CIB4: variants seen among roughly 807,000 people sequenced by gnomAD.
The protein encoded by CIB4 is calcium and integrin binding family member 4.
In CIB4, 25 loss-of-function variants were observed where a neutral mutation model predicts 25.8. The ratio of observed to expected loss-of-function variants is 0.97; its 90% CI spans 0.71 to 1.35. The LOEUF (loss-of-function observed/expected upper bound fraction) is 1.35, where lower values mean the gene tolerates loss of function less well. Among genes scored for constraint, CIB4 ranks in the 40% most tolerant of loss-of-function variants. The pLI, the probability that CIB4 is intolerant of heterozygous loss-of-function variation, is 0.00. For missense variants in CIB4, 235 were observed against 228.2 expected (o/e 1.03, Z -0.19); for synonymous variants, 75 against 81.4 (o/e 0.92, Z 0.42).
intron 3 of CIB4, among the ~76,000 whole-genome samples, chr2:26,617,954 G>A (rs143480880): frequency 3.7e-4 from 57 of 152,290 alleles, no homozygotes; most frequent in African/African-American, 1.3e-3. Flanking sequence ...AGCCTGGGTT[G>A]GAACCTTGGC....
chr2:26,615,524 G>A (rs543387836), intron 3 of CIB4, among the ~76,000 whole-genome samples: 5 of 152,354 alleles, frequency 3.3e-5, no homozygotes, highest in African/African-American at 1.2e-4. Flanking sequence ...GGAAGAGGAA[G>A]GAACTGGCCC....
intron 3 of CIB4, among the ~76,000 whole-genome samples, chr2:26,599,096 CACTTTTTTAGAAGTCTTCA>C (rs1668735882): frequency 6.6e-6 from 1 of 152,208 alleles, no homozygotes; most frequent in Non-Finnish European, 1.5e-5. Flanking sequence ...TGAAATTTCA[CACTTTTTTAGAAGTCTTCA>C]ATCCTCCAGA....
At chr2:26,621,267 A>AAC (rs1669200247) in intron 3 of CIB4, among the ~76,000 whole-genome samples, 2 of 149,198 alleles carry the variant, frequency 1.3e-5, no homozygotes, top group Admixed American at 6.9e-5. Flanking sequence ...AAAAAAAAAA[A>AAC]AAAACAGGGA....
intron 2 of CIB4, among the ~76,000 whole-genome samples, chr2:26,637,247 A>T (rs1669551484): frequency 1.3e-5 from 2 of 152,066 alleles, no homozygotes; most frequent in South Asian, 4.1e-4. Flanking sequence ...TGGCATTTGG[A>T]GGTTCCTGAG....
At chr2:26,601,692 A>T (rs1668795185) in intron 3 of CIB4, among the ~76,000 whole-genome samples, 1 of 152,186 alleles carries the variant, frequency 6.6e-6, no homozygotes, top group Non-Finnish European at 1.5e-5. Context: ...TTCAAATTAC[A>T]TTGCTCAAAA....
At chr2:26,636,102 A>G (rs1669527194) in intron 2 of CIB4, among the ~76,000 whole-genome samples, 2 of 152,316 alleles carry the variant, frequency 1.3e-5, no homozygotes, top group East Asian at 1.9e-4. Flanking sequence ...TGTTTTCACT[A>G]TAGATACTAT....
At chr2:26,608,448 C>T (rs1668934873) in intron 3 of CIB4, among the ~76,000 whole-genome samples, 1 of 152,166 alleles carries the variant, frequency 6.6e-6, no homozygotes, top group Non-Finnish European at 1.5e-5. Context: ...CTTTCCGAGT[C>T]AGCACCTCTA....
intron 3 of CIB4, among the ~76,000 whole-genome samples, chr2:26,601,217 CAAAAAA>C (rs142951418): frequency 8.4e-5 from 2 of 23,718 alleles, no homozygotes; most frequent in Admixed American, 6.1e-4. Context: ...GAGACCATGT[CAAAAAA>C]AAAAAAAAAT....
At chr2:26,602,463 AT>A (rs1668810967) in intron 3 of CIB4, among the ~76,000 whole-genome samples, 1 of 152,246 alleles carries the variant, frequency 6.6e-6, no homozygotes, top group African/African-American at 2.4e-5. Context: ...ATAACAAGTT[AT>A]AAGTAAGATA....
rs1295450212 is a variant in CIB4, at chr2:26,640,516, G to T, written c.89+17C>A. 6.2e-7 allele frequency: 1 copy of T among 1,612,788 alleles called. No homozygotes were observed. Among genetic ancestry groups the T allele is most frequent in the South Asian group, 1.1e-5 (1 of 90,902 alleles). On this transcript the variant is annotated intron_variant, in intron 2 of 6. Transcript: ENST00000288861. Reference sequence around the variant, plus strand: ...GAGGAGCTGGGAGAAGGAAAGAGGGGCGGGGCTTCTACTCACCACAGAATT... The same window carrying T: ...GAGGAGCTGGGAGAAGGAAAGAGGGTCGGGGCTTCTACTCACCACAGAATT...
In CIB4 at chr2:26,627,978, T is replaced by C. The variant is rs1451698514; in HGVS notation, c.186+1432A>G. Among the ~76,000 whole-genome samples the C allele has an allele frequency of 1.3e-5, 2 of 152,144 alleles. No homozygotes were observed. Among genetic ancestry groups the C allele is most frequent in the African/African-American group, 2.4e-5 (1 of 41,428 alleles). ...TCCTCCTCCCTGGTATCCCCAGGCC[T>C]CTTCCAAGTGGTGGCCACAGTTCTC... On this transcript the variant is annotated intron_variant, in intron 3 of 6. Coordinates refer to ENST00000288861, the MANE Select transcript of CIB4 (RefSeq NM_001029881.3). This position sits in a 1 kb window ranked among gnomAD's most constrained non-coding sequence, Gnocchi z 4.0.
intron 3 of CIB4, chr2:26,605,406 G>T: frequency 2.2e-6 from 1 of 446,172 alleles, no homozygotes; most frequent in African/African-American, 2.0e-5. Context: ...CTGTGCTCCT[G>T]GGCTACCTGC....
rs1349902973 is a variant in CIB4 at position 26,629,324 on chromosome 2, C to T, written c.186+86G>A. 3.3e-5 allele frequency: 28 copies of T among 852,028 alleles called. No homozygotes were observed. The East Asian group carries it at 7.2e-4, about 22-fold the overall frequency. 52.8% of individuals were successfully genotyped at this position (852,028 alleles called of 1,614,324 possible). A position where few individuals can be genotyped will look rare whatever the true frequency, so the allele number is the denominator to read the frequency against. ...ACCATCCCACAGCACGGAGTGCCCA[C>T]CTCACCCCACCCCTCCCAGCACCCA... is the stretch of plus-strand genomic sequence containing the variant. On this transcript the variant is annotated intron_variant, in intron 3 of 6. Transcript: ENST00000288861.
chr2:26,638,069 G>A (rs1669566958), intron 2 of CIB4, among the ~76,000 whole-genome samples: 1 of 152,144 alleles, frequency 6.6e-6, no homozygotes, highest in African/African-American at 2.4e-5. Flanking sequence ...AGCTACCCAG[G>A]GGCAGGCACA....
chr2:26,600,298 G>A (rs552686804), intron 3 of CIB4, among the ~76,000 whole-genome samples: 5 of 151,806 alleles, frequency 3.3e-5, no homozygotes, highest in South Asian at 2.1e-4. Context: ...CCAGCTACTC[G>A]GAGGCTGAGG....
At chr2:26,607,513 A>G (rs1236555148) in intron 3 of CIB4, among the ~76,000 whole-genome samples, 2 of 152,206 alleles carry the variant, frequency 1.3e-5, no homozygotes, top group African/African-American at 4.8e-5. Flanking sequence ...ACAATATTCA[A>G]ATTCCTAGAT....
intron 4 of CIB4, among the ~76,000 whole-genome samples, chr2:26,589,134 CT>C (rs1668535508): frequency 1.5e-5 from 2 of 132,044 alleles, no homozygotes; most frequent in Non-Finnish European, 1.6e-5. Context: ...TCTTCTTCTT[CT>C]TCTTCTCCTT....
chr2:26,607,975 C>T (rs569177943), intron 3 of CIB4, among the ~76,000 whole-genome samples: 4 of 152,350 alleles, frequency 2.6e-5, no homozygotes, highest in South Asian at 2.1e-4. Context: ...CGATGGCTCA[C>T]GCCTGTAATC....
chr2:26,604,370 A>G (rs528574288), intron 3 of CIB4, among the ~76,000 whole-genome samples: 1 of 152,172 alleles, frequency 6.6e-6, no homozygotes, highest in African/African-American at 2.4e-5. Context: ...ACAGAGCAAG[A>G]CCCTGTTTAA....
Sources: gnomAD v4.1 joint callset for allele counts (sites outside exome capture counted in the v4.1 genomes callset) on GRCh38, gnomAD v4.1.1 for gene constraint, Gnocchi (gnomAD v3.1) non-coding constraint, MANE v1.5 for transcripts, NCBI Gene and HGNC (gene_info 2026-07-23, HGNC 2026-07-21) for gene names.